TSGA10: variants seen among roughly 807,000 people sequenced by gnomAD.
TSGA10 encodes the protein testis specific 10.
A neutral mutation model predicts 96.6 loss-of-function variants in TSGA10; 43 were observed. The ratio of observed to expected loss-of-function variants is 0.44; its 90% confidence interval spans 0.35 to 0.57. The LOEUF (loss-of-function observed/expected upper bound fraction) is 0.57, where lower values mean the gene tolerates loss of function less well. TSGA10 is among the 20% of genes least tolerant of loss of function. TSGA10 has a pLI of 0.01. For missense variants in TSGA10, 703 were observed against 834.4 expected (o/e 0.84, Z 1.94); for synonymous variants, 229 against 269.9 (o/e 0.85, Z 1.48).
At chr2:99,043,706 T>G (rs1044566049) in intron 16 of TSGA10, among the ~76,000 whole-genome samples, 3 of 151,996 alleles carry the variant, frequency 2.0e-5, no homozygotes, top group Non-Finnish European at 4.4e-5. Context: ...AACAATGGAA[T>G]CCAGAAAGCA....
In TSGA10 at chr2:99,031,323, GTCAACC is replaced by G. The variant is rs970376027; in HGVS notation, c.1614+3901_1614+3906del. 3.8e-5 allele frequency among the ~76,000 whole-genome samples: 5 copies of G among 131,346 alleles called. No individual in the cohort carries two copies. In the East Asian group the frequency reaches 1.2e-3, roughly 31 times the overall value. 86.2% of individuals were successfully genotyped at this position (131,346 alleles called of 152,430 possible). ...AAAAAAAAAAAAAAAGAACCTCTAT[GTCAACC>G]TCACACTTTACGCAGAATTAACTCA... On this transcript the variant is annotated intron_variant, in intron 17 of 20. Coordinates refer to ENST00000393483, the MANE Select transcript of TSGA10 (RefSeq NM_025244.4).
In TSGA10 at chr2:99,004,340, C is replaced by T. The variant is rs527395531; in HGVS notation, c.2073-6119G>A. Among the ~76,000 whole-genome samples the T allele has an allele frequency of 4.4e-4, 67 of 151,760 alleles. 3 individuals are homozygous for T. In the South Asian group the frequency reaches 0.013, roughly 30 times the overall value. ...CAACCAAAAAAAGTCCAGGACTAGA[C>T]AGATTCACAGCCGAATTCTACCAGA... On this transcript the variant is annotated intron_variant, in intron 20 of 20. Transcript: ENST00000393483.
intron 10 of TSGA10, among the ~76,000 whole-genome samples, chr2:99,100,395 A>C (rs965909050): frequency 2.0e-5 from 3 of 152,226 alleles, no homozygotes; most frequent in African/African-American, 7.2e-5. Context: ...ATTTATTTTT[A>C]AGAAAAACAT....
intron 2 of TSGA10, among the ~76,000 whole-genome samples, chr2:99,123,376 C>T (rs2092678063): frequency 6.6e-6 from 1 of 152,068 alleles, no homozygotes; most frequent in Non-Finnish European, 1.5e-5. Context: ...AGGCTCTATT[C>T]AAATTTTTTT....
intron 17 of TSGA10, among the ~76,000 whole-genome samples, chr2:99,026,964 T>C (rs1485913144): frequency 6.6e-6 from 1 of 152,208 alleles, no homozygotes; most frequent in Non-Finnish European, 1.5e-5. Context: ...CCTCAGATCA[T>C]CAGGCATTAG....
At chr2:99,074,265 C>T (rs532780316) in intron 12 of TSGA10, among the ~76,000 whole-genome samples, 36 of 151,400 alleles carry the variant, frequency 2.4e-4, no homozygotes, top group African/African-American at 7.8e-4. Flanking sequence ...CCACCCACCT[C>T]GGCCTCCCAA....
intron 17 of TSGA10, among the ~76,000 whole-genome samples, chr2:99,032,445 G>T (rs1000800658): frequency 6.6e-6 from 1 of 152,172 alleles, no homozygotes; most frequent in Admixed American, 6.5e-5. Flanking sequence ...AGTCTACTTT[G>T]TATAATATGT....
intron 1 of TSGA10, among the ~76,000 whole-genome samples, chr2:99,140,213 TAATC>T (rs2093480453): frequency 6.6e-6 from 1 of 152,344 alleles, no homozygotes; most frequent in African/African-American, 2.4e-5. Flanking sequence ...TTTGGCTCAT[TAATC>T]AATTAAAATA....
At chr2:99,031,556 A>G (rs1052120992) in intron 17 of TSGA10, among the ~76,000 whole-genome samples, 1 of 152,170 alleles carries the variant, frequency 6.6e-6, no homozygotes, top group African/African-American at 2.4e-5. Context: ...TTAAGAGAAT[A>G]AAAACCACAA....
At chr2:99,134,494 GT>G (rs2093241257) in intron 1 of TSGA10, among the ~76,000 whole-genome samples, 1 of 151,954 alleles carries the variant, frequency 6.6e-6, no homozygotes, top group African/African-American at 2.4e-5. Context: ...CTTTTTAAAG[GT>G]TCTTAGCTTC....
intron 16 of TSGA10, among the ~76,000 whole-genome samples, chr2:99,054,896 G>A (rs2083798507): frequency 6.6e-6 from 1 of 152,152 alleles, no homozygotes; most frequent in Admixed American, 6.5e-5. Context: ...CCCTTCCCTT[G>A]TACACCATTG....
At chr2:99,085,234 A>G (rs2088108450) in intron 10 of TSGA10, among the ~76,000 whole-genome samples, 1 of 151,780 alleles carries the variant, frequency 6.6e-6, no homozygotes, top group Admixed American at 6.6e-5. Flanking sequence ...GTGACAGAGT[A>G]AGACTCCGTC....
intron 20 of TSGA10, among the ~76,000 whole-genome samples, chr2:99,008,557 G>C (rs764131971): frequency 6.6e-6 from 1 of 152,216 alleles, no homozygotes; most frequent in African/African-American, 2.4e-5. Context: ...TAGTGACGCT[G>C]TGGGGAAACA....
chr2:99,034,341 G>A (rs529248325), intron 17 of TSGA10, among the ~76,000 whole-genome samples: 1 of 152,136 alleles, frequency 6.6e-6, no homozygotes, highest in African/African-American at 2.4e-5. Flanking sequence ...GTCGGAGGTT[G>A]CAGTGAGCCG....
chr2:99,108,994 A>G lies in TSGA10; in HGVS notation c.52-3T>C. On this transcript the variant is annotated splice_polypyrimidine_tract_variant and splice_region_variant and intron_variant, in intron 6 of 20. Coordinates refer to ENST00000393483, the MANE Select transcript of TSGA10 (RefSeq NM_025244.4). Reference sequence around the variant, plus strand: ...AGTTCTACATCACAGTTTGCACCCTATAATTATATAAGGAATTTGAAATCT... The same window carrying G: ...AGTTCTACATCACAGTTTGCACCCTGTAATTATATAAGGAATTTGAAATCT... The G allele has an allele frequency of 3.9e-6, 6 of 1,520,996 alleles. No individual in the cohort carries two copies. Among genetic ancestry groups the G allele is most frequent in the East Asian group, 2.4e-5 (1 of 41,666 alleles). The allele number at this position is 1,520,996 out of a possible 1,614,324, so 94.2% of individuals were successfully genotyped here.
rs1558876978 is a variant in TSGA10 at position 99,059,080 on chromosome 2, T to TA, written c.1404+5858_1404+5859insT. Among the ~76,000 whole-genome samples, 18 of 54,346 alleles carry TA rather than the reference T, an allele frequency of 3.3e-4. No homozygotes were observed. The African/African-American group carries it at 3.7e-3, about 11-fold the overall frequency. 35.7% of individuals were successfully genotyped at this position (54,346 alleles called of 152,430 possible). On this transcript the variant is annotated intron_variant, in intron 16 of 20. Coordinates refer to ENST00000393483, the MANE Select transcript of TSGA10 (RefSeq NM_025244.4). ...TATATATATATATATTTATATATTT[T>TA]TATATATATATATATATGCAATCTA...
At chr2:99,084,326 G>C (rs1230349751) in intron 10 of TSGA10, among the ~76,000 whole-genome samples, 1 of 152,172 alleles carries the variant, frequency 6.6e-6, no homozygotes, top group East Asian at 1.9e-4. Context: ...GAGATGACTG[G>C]ATCACGGGGG....
At chr2:99,102,764 T>C (rs754732978) in intron 10 of TSGA10, 14 of 1,590,650 alleles carry the variant, frequency 8.8e-6, no homozygotes, top group Non-Finnish European at 1.2e-5. Flanking sequence ...TGGAAAATAC[T>C]ACTTACTGGT....
chr2:99,103,102 T>C (rs1216932579), intron 10 of TSGA10, among the ~76,000 whole-genome samples: 4 of 149,700 alleles, frequency 2.7e-5, no homozygotes, highest in Admixed American at 6.7e-5. Flanking sequence ...AAAAAAAAAA[T>C]TGTTAAGAAA....
Sources: gnomAD v4.1 joint callset for allele counts (sites outside exome capture counted in the v4.1 genomes callset) on GRCh38, gnomAD v4.1.1 for gene constraint, MANE v1.5 for transcripts, NCBI Gene and HGNC (gene_info 2026-07-23, HGNC 2026-07-21) for gene names.